The following FBXW12 variants were observed in gnomAD, a reference collection of about 807,000 sequenced individuals.
FBXW12 encodes the protein F-box and WD repeat domain containing 12.
A neutral mutation model predicts 55.3 loss-of-function variants in FBXW12; 43 were observed. That is an observed-to-expected ratio of 0.78 (90% CI 0.61 to 1.00). The LOEUF (loss-of-function observed/expected upper bound fraction) is 1.00, where lower values mean the gene tolerates loss of function less well. FBXW12 is among the 50% of genes least tolerant of loss of function. FBXW12 has a pLI of 0.00. For synonymous variants in FBXW12, 184 were observed against 203.8 expected (o/e 0.90, Z 0.83); for missense variants, 524 against 560.5 (o/e 0.93, Z 0.66).
intron 7 of FBXW12, among the ~76,000 whole-genome samples, chr3:48,380,341 A>T (rs1277276920): frequency 6.6e-6 from 1 of 152,116 alleles, no homozygotes; most frequent in Admixed American, 6.5e-5. Context: ...ACTGGGCACC[A>T]AAGAGGGAGG....
intron 10 of FBXW12, among the ~76,000 whole-genome samples, chr3:48,389,724 A>G (rs890430053): frequency 1.3e-5 from 2 of 152,116 alleles, no homozygotes; most frequent in African/African-American, 4.8e-5. Flanking sequence ...TTTTGTTTTC[A>G]TTGCAATTGC....
At position 48,378,537 on chromosome 3, in the gene FBXW12, C is replaced by T. The variant is rs1200506124; in HGVS notation, c.615+11C>T. On this transcript the variant is annotated intron_variant, in intron 6 of 10. Coordinates refer to ENST00000296438, the MANE Select transcript of FBXW12 (RefSeq NM_207102.2). ...GGCCCATTCCTGATGGTAAGTGAGC[C>T]CTGAATTTAGAGGGGACCAAAAAAT... 2 of 1,612,520 alleles carry T rather than the reference C, an allele frequency of 1.2e-6. No individual in the cohort carries two copies. The highest frequency in any genetic ancestry group is 1.7e-6 in the Non-Finnish European group (2 of 1,179,412).
chr3:48,373,374 A>G lies in FBXW12; in HGVS notation c.128+29A>G, dbSNP rs570435225. On this transcript the variant is annotated intron_variant, in intron 3 of 10. Coordinates refer to ENST00000296438, the MANE Select transcript of FBXW12 (RefSeq NM_207102.2). Reference sequence around the variant, plus strand: ...AGGGAAGGGAAAGGGCAAGGAGGGAAGGGGAGAGGAGATCATCTGACTGCG... The same window carrying G: ...AGGGAAGGGAAAGGGCAAGGAGGGAGGGGGAGAGGAGATCATCTGACTGCG... 3.1e-4 allele frequency: 494 copies of G among 1,614,138 alleles called. 1 individual carries two copies. The highest frequency in any genetic ancestry group is 2.8e-3 in the Middle Eastern group (17 of 6,044).
chr3:48,390,406 C>CTTTT (rs71625870), intron 10 of FBXW12, among the ~76,000 whole-genome samples: 5 of 57,928 alleles, frequency 8.6e-5, no homozygotes, highest in African/African-American at 1.5e-4. Context: ...AGGATTTCCT[C>CTTTT]TTTTTTTTTT....
chr3:48,373,951 C>T (rs2043827988), intron 4 of FBXW12, among the ~76,000 whole-genome samples: 1 of 151,976 alleles, frequency 6.6e-6, no homozygotes, highest in South Asian at 2.1e-4. Flanking sequence ...GGTCCTGTTA[C>T]TCCCTTTTTC....
At position 48,373,394 on chromosome 3, in the gene FBXW12, A is replaced by C. The variant is rs763313581; in HGVS notation, c.128+49A>C. ...AGGGAAGGGGAGAGGAGATCATCTG[A>C]CTGCGCACCCATGCTGTGTCCCAAG... On this transcript the variant is annotated intron_variant, in intron 3 of 10. Transcript: ENST00000296438. 2.5e-6 allele frequency: 4 copies of C among 1,613,884 alleles called. No individual in the cohort carries two copies. The South Asian group carries it at 4.4e-5, about 18-fold the overall frequency.
chr3:48,388,121 G>A (rs1310960313), intron 10 of FBXW12, among the ~76,000 whole-genome samples: 1 of 152,118 alleles, frequency 6.6e-6, no homozygotes, highest in East Asian at 1.9e-4. Context: ...ATTTAAAGCA[G>A]TTAGGGCCAG....
intron 5 of FBXW12, 41 bp from the exon 6 acceptor site, chr3:48,378,276 A>G: frequency 6.8e-7 from 1 of 1,468,918 alleles, no homozygotes; most frequent in East Asian, 2.3e-5. Context: ...AGTAGGTGTA[A>G]GGGTTCCTTG....
Position 48,373,618 on chromosome 3 carries a change from C to A in FBXW12, c.199C>A (p.Gln67Lys). The change falls in exon 4 of 11, where the codon CAA (glutamine) becomes AAA (lysine). Residue 67 changes from glutamine to lysine, a missense_variant. By Grantham distance (53) the Gln-to-Lys change is moderately conservative. Transcript: ENST00000296438. The part of the protein sequence containing the change: ...NQHLGTHTWK[Q>K]FFLHQRRKEL... ...ACACCTGGGCACACACACATGGAAG[C>A]AATTTTTCCTGCATCAAAGAAGGAA... 1.2e-6 allele frequency: 2 copies of A among 1,614,122 alleles called. No homozygotes were observed. Among genetic ancestry groups the A allele is most frequent in the South Asian group, 1.1e-5 (1 of 91,086 alleles).
At chr3:48,382,191 A>C in intron 10 of FBXW12, 106 bp downstream of exon 10, 1 of 1,270,490 alleles carries the variant, frequency 7.9e-7, no homozygotes, top group Non-Finnish European at 1.1e-6. Flanking sequence ...ATCTCAACTC[A>C]CTGCAACCTC....
At chr3:48,394,451 A>T (rs2036976719) in intron 10 of FBXW12, 109 bp from the exon 11 acceptor site, 5 of 673,370 alleles carry the variant, frequency 7.4e-6, no homozygotes. Context: ...ACGAAGGACC[A>T]ATTAATTTGG....
At chr3:48,378,587 A>G in intron 6 of FBXW12, 61 bp downstream of exon 6, 1 of 1,351,566 alleles carries the variant, frequency 7.4e-7, no homozygotes, top group African/African-American at 1.4e-5. Context: ...CTTGTCAGGC[A>G]TCCGTGTCAC....
intron 4 of FBXW12, among the ~76,000 whole-genome samples, chr3:48,374,329 A>ATCT (rs758156900): frequency 7.3e-6 from 1 of 137,910 alleles, no homozygotes; most frequent in Non-Finnish European, 1.5e-5. Context: ...CAACCAGTTG[A>ATCT]TTTTTTTTTT....
At chr3:48,389,584 C>T (rs1251561073) in intron 10 of FBXW12, among the ~76,000 whole-genome samples, 1 of 152,160 alleles carries the variant, frequency 6.6e-6, no homozygotes, top group East Asian at 1.9e-4. Flanking sequence ...CCATGTTGGC[C>T]AGGCTGGTCT....
chr3:48,388,380 CG>C (rs1307016525), intron 10 of FBXW12, among the ~76,000 whole-genome samples: 1 of 152,134 alleles, frequency 6.6e-6, no homozygotes, highest in Non-Finnish European at 1.5e-5. Flanking sequence ...TTTCCTATTA[CG>C]GATTATTTAT....
At chr3:48,379,696 G>C in intron 7 of FBXW12, 138 bp downstream of exon 7, 1 of 685,144 alleles carries the variant, frequency 1.5e-6, no homozygotes, top group East Asian at 2.6e-5. Context: ...GGAATCCATT[G>C]TGATGGTCAG....
chr3:48,385,253 T>A (rs2036830281), intron 10 of FBXW12, among the ~76,000 whole-genome samples: 1 of 152,154 alleles, frequency 6.6e-6, no homozygotes. Context: ...TTGGCTTAGT[T>A]CACTGAACAT....
intron 6 of FBXW12, 87 bp downstream of exon 6, chr3:48,378,613 C>CA (rs1553792327): frequency 1.2e-4 from 72 of 587,268 alleles, no homozygotes; most frequent in Non-Finnish European, 1.6e-4. Flanking sequence ...TGTCCTATCC[C>CA]TTTTTTTTTT....
At chr3:48,393,800 A>G (rs1276011647) in intron 10 of FBXW12, among the ~76,000 whole-genome samples, 4 of 136,826 alleles carry the variant, frequency 2.9e-5, no homozygotes, top group Admixed American at 7.5e-5. Flanking sequence ...TTTTTTTGAG[A>G]TGGAATATTG....
Sources: allele counts gnomAD v4.1 joint callset (sites outside exome capture counted in the v4.1 genomes callset), GRCh38; gene constraint gnomAD v4.1.1; transcripts MANE v1.5; gene names NCBI Gene and HGNC (gene_info 2026-07-23, HGNC 2026-07-21).